The following UBIAD1 variants were observed in gnomAD, a reference collection of about 807,000 sequenced individuals.
UBIAD1 encodes the protein UbiA prenyltransferase domain containing 1, also known as ubiA prenyltransferase domain-containing protein 1.
Under a neutral mutation model 20.1 loss-of-function variants are expected in UBIAD1, and 12 were observed. That is an observed-to-expected ratio of 0.60 (90% confidence interval 0.38 to 0.97). The LOEUF (loss-of-function observed/expected upper bound fraction) is 0.97, where lower values mean the gene tolerates loss of function less well. Among genes scored for constraint, UBIAD1 ranks in the 50% least tolerant of loss-of-function variants. The probability of loss-of-function intolerance (pLI) is 0.00; values close to 1 mark genes in which losing one functional copy is unlikely to be tolerated. For missense variants in UBIAD1, 333 were observed against 419.5 expected, an observed-to-expected ratio of 0.79 and a Z score of 1.80; for synonymous variants, 207 against 189.2, an observed-to-expected ratio of 1.09 and a Z score of -0.77.
At chr1:11,296,619 A>C (rs566066401), downstream of UBIAD1, among the ~76,000 whole-genome samples, 1 of 152,284 alleles carries the variant, frequency 6.6e-6, no homozygotes, top group East Asian at 1.9e-4. Flanking sequence ...CCCTGGGCTC[A>C]GGTGATCTTC....
chr1:11,298,576 A>G (rs556489403), downstream of UBIAD1, among the ~76,000 whole-genome samples: 262 of 149,050 alleles, frequency 1.8e-3, 1 homozygote, highest in African/African-American at 5.1e-3. This position sits in a 1 kb window ranked among gnomAD's most constrained non-coding sequence, Gnocchi z 4.0. Context: ...CCAAAAATAA[A>G]TAAATAAATA....
At chr1:11,280,933 A>C (rs904719027) in intron 1 of UBIAD1, among the ~76,000 whole-genome samples, 1 of 152,100 alleles carries the variant, frequency 6.6e-6, no homozygotes, top group African/African-American at 2.4e-5. Flanking sequence ...GCTCAGAGTA[A>C]AGGCCAGGGT....
intron 1 of UBIAD1, among the ~76,000 whole-genome samples, chr1:11,278,336 C>T (rs773118962): frequency 9.2e-5 from 14 of 152,166 alleles, no homozygotes; most frequent in Non-Finnish European, 1.9e-4. Context: ...ACCACGCTTT[C>T]ATCTTGTAAA....
downstream of UBIAD1, among the ~76,000 whole-genome samples, chr1:11,298,268 T>C (rs568661734): frequency 7.2e-5 from 11 of 152,264 alleles, no homozygotes; most frequent in East Asian, 1.9e-4. This position sits in a 1 kb window ranked among gnomAD's most constrained non-coding sequence, Gnocchi z 4.0. Context: ...AGAGTTGTTA[T>C]TATATTTTAA....
In UBIAD1 at chr1:11,281,826, C is replaced by CTATG. The variant is rs373501823; in HGVS notation, c.530-3800_530-3797dup. ...TATAAATGGAACCTTTCACTATGAA[C>CTATG]TATGTATGTATGTATGTATGTGTAT... is the stretch of plus-strand genomic sequence containing the variant. On this transcript the variant is annotated intron_variant, in intron 1 of 1. Coordinates refer to ENST00000376810, the MANE Select transcript of UBIAD1 (RefSeq NM_013319.3). Among the ~76,000 whole-genome samples, 377 of 152,226 alleles carry CTATG rather than the reference C, an allele frequency of 2.5e-3. 2 individuals carry two copies. The highest frequency in any genetic ancestry group is 8.2e-3 in the African/African-American group (340 of 41,498).
At chr1:11,278,785 C>A in intron 1 of UBIAD1, 1 of 501,336 alleles carries the variant, frequency 2.0e-6, no homozygotes, top group South Asian at 3.9e-5. Flanking sequence ...TTATTCCATT[C>A]ATATTAATTC....
intron 1 of UBIAD1, among the ~76,000 whole-genome samples, chr1:11,283,717 C>A (rs1055423369): frequency 6.6e-6 from 1 of 152,052 alleles, no homozygotes; most frequent in African/African-American, 2.4e-5. Context: ...GGATCTTGTT[C>A]CTTAGCTCCT....
At chr1:11,282,196 A>G (rs1403603492) in intron 1 of UBIAD1, among the ~76,000 whole-genome samples, 1 of 151,792 alleles carries the variant, frequency 6.6e-6, no homozygotes, top group Admixed American at 6.6e-5. Flanking sequence ...ACTTCTTTAC[A>G]CTCCCCCCAG....
intron 1 of UBIAD1, among the ~76,000 whole-genome samples, chr1:11,282,261 A>T (rs1471796256): frequency 6.6e-6 from 1 of 152,160 alleles, no homozygotes; most frequent in Non-Finnish European, 1.5e-5. Flanking sequence ...GTCTTAACAG[A>T]TTCATTCTGG....
chr1:11,280,074 T>A (rs1652191887), intron 1 of UBIAD1, among the ~76,000 whole-genome samples: 1 of 151,908 alleles, frequency 6.6e-6, no homozygotes, highest in African/African-American at 2.4e-5. Context: ...AAGTACAAGG[T>A]GGTGGTGAAG....
downstream of UBIAD1, among the ~76,000 whole-genome samples, chr1:11,296,706 GAC>G (rs1397139329): frequency 1.3e-5 from 2 of 152,098 alleles, no homozygotes; most frequent in African/African-American, 2.4e-5. Context: ...TTTTTATAGA[GAC>G]AAGATTTCAC....
chr1:11,295,075 G>C, exon 2 of UBIAD1: 1 of 631,452 alleles, frequency 1.6e-6, no homozygotes, highest in Non-Finnish European at 2.9e-6. Flanking sequence ...CAGGACACAG[G>C]ATACTCAACT....
At chr1:11,281,578 C>T (rs1034002586) in intron 1 of UBIAD1, among the ~76,000 whole-genome samples, 1 of 152,176 alleles carries the variant, frequency 6.6e-6, no homozygotes, top group Non-Finnish European at 1.5e-5. Context: ...ATATAATTGA[C>T]ACACAGTGAA....
chr1:11,293,864 C>T (rs1027252494), intron 1 of UBIAD1, among the ~76,000 whole-genome samples: 1 of 152,070 alleles, frequency 6.6e-6, no homozygotes, highest in Non-Finnish European at 1.5e-5. Flanking sequence ...GTAGTAGAAA[C>T]GGGATTTCAC....
intron 1 of UBIAD1, among the ~76,000 whole-genome samples, chr1:11,283,923 A>G (rs1409756418): frequency 1.3e-5 from 2 of 152,140 alleles, no homozygotes; most frequent in African/African-American, 4.8e-5. Flanking sequence ...CACTCATTCC[A>G]TACTGCTTTA....
At position 11,274,165 on chromosome 1, in the gene UBIAD1, A is replaced by C. The variant is rs1651906002; in HGVS notation, c.529+105A>C. 2.2e-6 allele frequency: 3 copies of C among 1,381,562 alleles called. No homozygotes were observed. In the African/African-American group the frequency reaches 4.3e-5, roughly 20 times the overall value. 85.6% of individuals were successfully genotyped at this position (1,381,562 alleles called of 1,614,324 possible). ...GATGTCAAAGGTGGCTTTCTAATTT[A>C]AGCCGCTTTAATTGAAGTCTATAAT... On this transcript the variant is annotated intron_variant, in intron 1 of 1. Coordinates refer to ENST00000376810, the MANE Select transcript of UBIAD1 (RefSeq NM_013319.3).
chr1:11,282,058 C>CT (rs1652258864), intron 1 of UBIAD1, among the ~76,000 whole-genome samples: 1 of 152,190 alleles, frequency 6.6e-6, no homozygotes, highest in Non-Finnish European at 1.5e-5. Context: ...CATTCATGTT[C>CT]AAGTCTTTTT....
downstream of UBIAD1, among the ~76,000 whole-genome samples, chr1:11,296,766 C>T (rs965883237): frequency 1.4e-4 from 21 of 152,194 alleles, no homozygotes; most frequent in Non-Finnish European, 2.8e-4. Flanking sequence ...GCAATCCGCC[C>T]GCCTCAGCCT....
chr1:11,294,835 C>T (rs1207979893), intron 1 of UBIAD1: 3 of 717,368 alleles, frequency 4.2e-6, no homozygotes, highest in Non-Finnish European at 7.8e-6. Flanking sequence ...GCTCCTGTCC[C>T]CTCATCTGTC....
Sources: allele counts gnomAD v4.1 joint callset (sites outside exome capture counted in the v4.1 genomes callset), GRCh38; gene constraint gnomAD v4.1.1; non-coding constraint Gnocchi (gnomAD v3.1); transcripts MANE v1.5; gene names NCBI Gene and HGNC (gene_info 2026-07-23, HGNC 2026-07-21).